The following PRKDC variants were observed in gnomAD, a reference collection of about 807,000 sequenced individuals.
The protein encoded by PRKDC is DNA-dependent protein kinase catalytic subunit.
In PRKDC, 82 loss-of-function variants were observed where a neutral mutation model predicts 486.9. The observed-to-expected ratio is 0.17, with a 90% CI of 0.14 to 0.20. The LOEUF is 0.20. PRKDC is among the 10% of genes least tolerant of loss of function. PRKDC has a pLI of 1.00. For synonymous variants in PRKDC, 1,895 were observed against 1,837.0 expected, an observed-to-expected ratio of 1.03 and a Z score of -0.81; for missense variants, 4,504 against 5,038.2, an observed-to-expected ratio of 0.89 and a Z score of 3.21.
intron 74 of PRKDC, among the ~76,000 whole-genome samples, chr8:47,790,100 TAGAA>T (rs1174331664): frequency 6.6e-6 from 1 of 152,190 alleles, no homozygotes; most frequent in African/African-American, 2.4e-5. Context: ...GTATCTATAT[TAGAA>T]AGGAAGAAGT....
At chr8:47,879,454 A>G in intron 39 of PRKDC, 37 bp downstream of exon 39, 2 of 1,479,276 alleles carry the variant, frequency 1.4e-6, no homozygotes, top group East Asian at 4.9e-5. Context: ...AAAAAAAAAC[A>G]GTGTTTTAAT....
In PRKDC at chr8:47,900,288, A is replaced by G. The variant is rs1349904046; in HGVS notation, c.3364+85T>C. On this transcript the variant is annotated intron_variant, in intron 28 of 85. Coordinates refer to ENST00000314191, the MANE Select transcript of PRKDC (RefSeq NM_006904.7). ...GAACTCTTGGGAAAAAAAAAACCTT[A>G]TAAGAGAATCACACGAGCCTTAACT... 9.5e-6 allele frequency: 9 copies of G among 947,900 alleles called. No homozygotes were observed. In the South Asian group the frequency reaches 1.7e-4, roughly 18 times the overall value. The allele number at this position is 947,900 out of a possible 1,614,324, so 58.7% of individuals were successfully genotyped here. A position where few individuals can be genotyped will look rare whatever the true frequency, so the allele number is the denominator to read the frequency against.
At chr8:47,855,679 G>T (rs1193206680) in intron 49 of PRKDC, among the ~76,000 whole-genome samples, 1 of 152,192 alleles carries the variant, frequency 6.6e-6, no homozygotes, top group East Asian at 1.9e-4. Context: ...TGAGGCCCTG[G>T]ACAGGGGTCG....
intron 57 of PRKDC, 110 bp from the exon 58 acceptor site, chr8:47,836,637 T>G: frequency 9.9e-7 from 1 of 1,014,410 alleles, no homozygotes; most frequent in Non-Finnish European, 1.4e-6. Flanking sequence ...ATCAGCATAT[T>G]TGTACCATAA....
At position 47,913,970 on chromosome 8, in the gene PRKDC, G is replaced by A. The variant is rs2089948746; in HGVS notation, c.2712C>T (p.Val904=). The A allele has an allele frequency of 1.2e-6, 2 of 1,612,044 alleles. No homozygotes were observed. Among genetic ancestry groups the A allele is most frequent in the Non-Finnish European group, 1.7e-6 (2 of 1,178,934 alleles). The change falls in exon 24 of 86, where the codon GTC becomes GTT. Residue 904 remains valine (V), a synonymous_variant. Coordinates refer to ENST00000314191, the MANE Select transcript of PRKDC (RefSeq NM_006904.7). ...FAVPFREMKP[V]IFLDVFLPRV... Reference sequence around the variant, plus strand: ...GAGGCAGGAACACATCCAGGAAAATGACAGGTTTCATCTCTCTAAAGGGCA... The same window carrying A: ...GAGGCAGGAACACATCCAGGAAAATAACAGGTTTCATCTCTCTAAAGGGCA...
At chr8:47,817,055 G>C (rs2154498828) in intron 68 of PRKDC, among the ~76,000 whole-genome samples, 1 of 152,274 alleles carries the variant, frequency 6.6e-6, no homozygotes, top group East Asian at 1.9e-4. Context: ...AATGGAGTTG[G>C]GAGGTAGGAG....
At chr8:47,826,590 A>C in intron 63 of PRKDC, 66 bp downstream of exon 63, 1 of 1,465,764 alleles carries the variant, frequency 6.8e-7, no homozygotes, top group South Asian at 1.3e-5. Flanking sequence ...AAATGAAGCC[A>C]AGTGTTTTCC....
intron 40 of PRKDC, among the ~76,000 whole-genome samples, chr8:47,865,574 T>G (rs1028361704): frequency 2.0e-5 from 3 of 151,978 alleles, no homozygotes; most frequent in African/African-American, 4.8e-5. Context: ...GAATGCAGAG[T>G]TAGTATCTTC....
At chr8:47,936,270 T>C in intron 12 of PRKDC, 83 bp downstream of exon 12, 1 of 1,437,160 alleles carries the variant, frequency 7.0e-7, no homozygotes, top group Non-Finnish European at 9.4e-7. Context: ...GTGCCTACAC[T>C]AAATGTATTG....
intron 24 of PRKDC, 55 bp downstream of exon 24, chr8:47,913,846 T>C (rs2089945768): frequency 1.4e-6 from 2 of 1,473,652 alleles, no homozygotes; most frequent in Non-Finnish European, 1.8e-6. Flanking sequence ...CTAAGCAATA[T>C]GTATTTTTAA....
At chr8:47,899,821 C>G (rs2089647784) in intron 28 of PRKDC, among the ~76,000 whole-genome samples, 1 of 152,208 alleles carries the variant, frequency 6.6e-6, no homozygotes, top group South Asian at 2.1e-4. Context: ...TATGTAGTTC[C>G]TAATAGCTTC....
chr8:47,930,575 T>A, intron 17 of PRKDC, 97 bp downstream of exon 17: 4 of 1,273,582 alleles, frequency 3.1e-6, no homozygotes, highest in Non-Finnish European at 4.3e-6. Context: ...CCCGGCCTAT[T>A]ATTTCATTTC....
chr8:47,955,245 G>A (rs549617523), intron 4 of PRKDC, among the ~76,000 whole-genome samples: 36 of 151,406 alleles, frequency 2.4e-4, no homozygotes, highest in African/African-American at 8.5e-4. Context: ...GGCGGATCAC[G>A]AGGTCAGGAG....
In PRKDC at chr8:47,936,344, T is replaced by C. The variant is rs1485503807; in HGVS notation, c.1278+9A>G. 3 of 1,599,934 alleles carry C rather than the reference T, an allele frequency of 1.9e-6. No individual in the cohort carries two copies. Among genetic ancestry groups the C allele is most frequent in the East Asian group, 2.2e-5 (1 of 44,654 alleles). On this transcript the variant is annotated intron_variant, in intron 12 of 85. Coordinates refer to ENST00000314191, the MANE Select transcript of PRKDC (RefSeq NM_006904.7). ...ATACTTAAAATTGTGCTCAGTTTAG[T>C]TCACTTACTGTGTCAAGGTACAGCA...
At chr8:47,921,661 TA>T (rs1563804645) in intron 21 of PRKDC, among the ~76,000 whole-genome samples, 1 of 152,216 alleles carries the variant, frequency 6.6e-6, no homozygotes, top group African/African-American at 2.4e-5. Flanking sequence ...TGCTGGTGTG[TA>T]AGGCAATTCT....
intron 22 of PRKDC, among the ~76,000 whole-genome samples, chr8:47,916,007 T>C (rs1250944213): frequency 6.6e-6 from 1 of 152,220 alleles, no homozygotes; most frequent in Non-Finnish European, 1.5e-5. Context: ...TTTGAGTGGA[T>C]TTTTCATCCA....
chr8:47,915,479 C>A, intron 22 of PRKDC, 61 bp from the exon 23 acceptor site: 4 of 1,093,268 alleles, frequency 3.7e-6, no homozygotes, highest in Non-Finnish European at 5.2e-6. Context: ...AAATAGAAGA[C>A]ATAGGAAAAA....
intron 52 of PRKDC, among the ~76,000 whole-genome samples, chr8:47,851,169 C>T (rs913714666): frequency 5.9e-5 from 9 of 152,176 alleles, no homozygotes; most frequent in Admixed American, 3.3e-4. Context: ...ATCCGTATCA[C>T]TTTTATATTC....
chr8:47,846,329 T>A (rs997187374), intron 54 of PRKDC, among the ~76,000 whole-genome samples: 17 of 149,054 alleles, frequency 1.1e-4, no homozygotes, highest in Non-Finnish European at 4.4e-5. Flanking sequence ...GGCAGGAGAA[T>A]CGCTTAAACC....
Sources: gnomAD v4.1 joint callset for allele counts (sites outside exome capture counted in the v4.1 genomes callset) on GRCh38, gnomAD v4.1.1 for gene constraint, MANE v1.5 for transcripts, NCBI Gene and HGNC (gene_info 2026-07-23, HGNC 2026-07-21) for gene names.